Variants in FAT3 observed in about 807,000 individuals in gnomAD.
FAT3 encodes protocadherin Fat 3.
FAT3 carries 95 observed loss-of-function variants against 310.2 expected under a neutral mutation model. That is an observed-to-expected ratio of 0.31 (90% CI 0.26 to 0.36). FAT3 has a LOEUF of 0.36. Among genes scored for constraint, FAT3 ranks in the 10% least tolerant of loss-of-function variants. FAT3 has a pLI of 1.00. For missense variants in FAT3, 5,408 were observed against 5,715.6 expected, an observed-to-expected ratio of 0.95 and a Z score of 1.74; for synonymous variants, 2,314 against 2,192.9, an observed-to-expected ratio of 1.06 and a Z score of -1.54.
chr11:92,424,695 G>A (rs1253415714), intron 2 of FAT3, among the ~76,000 whole-genome samples: 1 of 152,082 alleles, frequency 6.6e-6, no homozygotes, highest in Non-Finnish European at 1.5e-5. Context: ...AAATGTCAAA[G>A]TGAAACATTT....
intron 7 of FAT3, among the ~76,000 whole-genome samples, chr11:92,782,348 C>T (rs1054257779): frequency 6.6e-6 from 1 of 151,962 alleles, no homozygotes; most frequent in Non-Finnish European, 1.5e-5. Flanking sequence ...ATAATCCCAA[C>T]ACTTTGGGAG....
chr11:92,274,079 C>A (rs747769183), intron 1 of FAT3, among the ~76,000 whole-genome samples: 1 of 151,970 alleles, frequency 6.6e-6, no homozygotes, highest in Non-Finnish European at 1.5e-5. Flanking sequence ...AAAATTAAGT[C>A]CTAATATTTC....
intron 2 of FAT3, among the ~76,000 whole-genome samples, chr11:92,514,481 A>C (rs1360519319): frequency 2.6e-5 from 4 of 152,198 alleles, no homozygotes; most frequent in Non-Finnish European, 5.9e-5. Flanking sequence ...TGATAGGTAA[A>C]AATGTGAGGG....
intron 2 of FAT3, among the ~76,000 whole-genome samples, chr11:92,432,203 A>C (rs1408195879): frequency 6.6e-6 from 1 of 152,110 alleles, no homozygotes; most frequent in Non-Finnish European, 1.5e-5. Context: ...CTCCTTGAAG[A>C]GGTCCTTCAC....
chr11:92,291,081 A>ACACACG (rs1491377641), intron 1 of FAT3, among the ~76,000 whole-genome samples: 1 of 3,950 alleles, frequency 2.5e-4, no homozygotes, highest in Non-Finnish European at 5.7e-4. Flanking sequence ...TTTTTATTCT[A>ACACACG]CACACACACA....
intron 2 of FAT3, among the ~76,000 whole-genome samples, chr11:92,429,996 A>G (rs1368345534): frequency 2.6e-5 from 4 of 152,154 alleles, no homozygotes; most frequent in Non-Finnish European, 4.4e-5. Flanking sequence ...CATTCTCCCC[A>G]TCACTTTCAG....
At chr11:92,890,405 A>G in intron 27 of FAT3, 86 bp from the exon 28 acceptor site, 1 of 1,455,854 alleles carries the variant, frequency 6.9e-7, no homozygotes, top group Non-Finnish European at 9.2e-7. Flanking sequence ...TAAAAATTGC[A>G]TGTCAGGTCC....
At chr11:92,232,093 T>C (rs1864207638) in intron 1 of FAT3, among the ~76,000 whole-genome samples, 1 of 152,186 alleles carries the variant, frequency 6.6e-6, no homozygotes, top group Admixed American at 6.5e-5. Flanking sequence ...ATTCATGTGG[T>C]ACCGTCCCAT....
chr11:92,392,634 C>A (rs1004434903), intron 2 of FAT3, among the ~76,000 whole-genome samples: 5 of 152,168 alleles, frequency 3.3e-5, no homozygotes, highest in African/African-American at 1.2e-4. Context: ...CATTGGATAG[C>A]TTATCTGGCT....
chr11:92,567,941 A>G (rs112893001), intron 3 of FAT3, among the ~76,000 whole-genome samples: 1 of 151,986 alleles, frequency 6.6e-6, no homozygotes, highest in African/African-American at 2.4e-5. Context: ...ACCTAATGCT[A>G]GATGATGAGC....
chr11:92,751,553 T>C (rs1298343644), intron 4 of FAT3, among the ~76,000 whole-genome samples: 1 of 152,152 alleles, frequency 6.6e-6, no homozygotes, highest in Admixed American at 6.5e-5. Context: ...AATAAGGTTC[T>C]CAAGTCTTGA....
chr11:92,881,632 C>A (rs532000210), intron 23 of FAT3, among the ~76,000 whole-genome samples: 1 of 152,066 alleles, frequency 6.6e-6, no homozygotes, highest in Non-Finnish European at 1.5e-5. Flanking sequence ...AATTAGGTTT[C>A]GTTTGGCTAC....
chr11:92,269,323 A>G (rs1195806118), intron 1 of FAT3, among the ~76,000 whole-genome samples: 1 of 152,116 alleles, frequency 6.6e-6, no homozygotes, highest in African/African-American at 2.4e-5. Context: ...CCCTGAATTC[A>G]AATCATTTAG....
chr11:92,234,931 C>T lies in FAT3; in HGVS notation c.-18+9757C>T, dbSNP rs976020321. 4.7e-5 allele frequency among the ~76,000 whole-genome samples: 7 copies of T among 149,898 alleles called. No individual in the cohort carries two copies. The South Asian group carries it at 8.5e-4, about 18-fold the overall frequency. ...AAAAAAAAAAAAAAAATTAGCTGGG[C>T]GTGGTGGCACATGCCTGTAGTCCCA... On this transcript the variant is annotated intron_variant, in intron 1 of 27. Coordinates refer to ENST00000525166, the MANE Select transcript of FAT3 (RefSeq NM_001367949.2).
rs1181292885 is a variant in FAT3 at position 92,354,244 on chromosome 11, G to T, written c.2132G>T (p.Gly711Val). ...KANGKLNLED[G>V]FLDFYSINRQ... is the part of the protein sequence containing the mutation. ...AATGGGAAACTGAATCTGGAAGATGGATTTCTTGACTTTTATTCAATTAAT... is the reference window on the plus strand; with the variant it reads ...AATGGGAAACTGAATCTGGAAGATGTATTTCTTGACTTTTATTCAATTAAT... Residue 711 changes from glycine (G) to valine (V), a missense_variant, in exon 2 of 28, where the codon GGA (glycine) becomes GTA (valine). Gly to Val is a moderately radical substitution (Grantham distance 109). Transcript: ENST00000525166. 12 of 1,613,552 alleles carry T rather than the reference G, an allele frequency of 7.4e-6. No homozygotes were observed. Among genetic ancestry groups the T allele is most frequent in the Non-Finnish European group, 1.0e-5 (12 of 1,179,862 alleles).
intron 3 of FAT3, among the ~76,000 whole-genome samples, chr11:92,562,624 G>A (rs1411723745): frequency 6.6e-6 from 1 of 152,166 alleles, no homozygotes; most frequent in Non-Finnish European, 1.5e-5. Flanking sequence ...GGAAAACCAG[G>A]AAAGCTGATG....
chr11:92,663,225 C>G (rs1303467381), intron 3 of FAT3, among the ~76,000 whole-genome samples: 1 of 152,138 alleles, frequency 6.6e-6, no homozygotes, highest in Non-Finnish European at 1.5e-5. Context: ...GAAATAAGAG[C>G]AAGTATGATG....
In FAT3 at chr11:92,844,704, C is replaced by T. The variant is rs1948644033; in HGVS notation, c.11337C>T (p.Phe3779=). 4 of 1,565,340 alleles carry T rather than the reference C, an allele frequency of 2.6e-6. No individual in the cohort carries two copies. The East Asian group carries it at 9.3e-5, about 36-fold the overall frequency. ...TARISFVCPR[F]YRNVRCTCNG... ...GCATCAGCTTTGTGTGTCCGCGTTT[C>T]TACAGGAACGTGCGTTGCACCTGCA... The change falls in exon 19 of 28, where the codon TTC becomes TTT. Residue 3779 remains phenylalanine, a synonymous_variant. Coordinates refer to ENST00000525166, the MANE Select transcript of FAT3 (RefSeq NM_001367949.2).
Position 92,878,634 on chromosome 11 carries a change from T to TAAAAAA in FAT3, c.12128-2069_12128-2064dup, listed in dbSNP as rs145900689. On this transcript the variant is annotated intron_variant, in intron 22 of 27. Transcript: ENST00000525166. ...AACACAGGAGCAGGATGTTATGTGT[T>TAAAAAA]AAAAAAAAAAAAAAAAAAAAAAAAA... Among the ~76,000 whole-genome samples, 45 of 21,158 alleles carry TAAAAAA rather than the reference T, an allele frequency of 2.1e-3. 1 individual carries two copies. Among genetic ancestry groups the TAAAAAA allele is most frequent in the African/African-American group, 4.1e-3 (29 of 7,034 alleles). 13.9% of individuals were successfully genotyped at this position (21,158 alleles called of 152,430 possible). A position where few individuals can be genotyped will look rare whatever the true frequency, so the allele number is the denominator to read the frequency against.
Sources: allele counts gnomAD v4.1 joint callset (sites outside exome capture counted in the v4.1 genomes callset), GRCh38; gene constraint gnomAD v4.1.1; transcripts MANE v1.5; gene names NCBI Gene and HGNC (gene_info 2026-07-23, HGNC 2026-07-21).